The following TMEM229B variants were observed in gnomAD, a reference collection of about 807,000 sequenced individuals.
TMEM229B encodes transmembrane protein 229B, also known as chromosome 14 open reading frame 83.
A neutral mutation model predicts 13.7 loss-of-function variants in TMEM229B; 6 were observed. The observed-to-expected ratio is 0.44, with a 90% confidence interval of 0.24 to 0.86. TMEM229B has a LOEUF of 0.86. TMEM229B is among the 40% of genes least tolerant of loss of function. The probability of loss-of-function intolerance (pLI) is 0.23; values close to 1 mark genes in which losing one functional copy is unlikely to be tolerated. For missense variants in TMEM229B, 170 were observed against 236.0 expected (o/e 0.72, Z 1.83); for synonymous variants, 107 against 102.1 (o/e 1.05, Z -0.29).
At position 67,482,097 on chromosome 14, in the gene TMEM229B, C is replaced by A. The variant is rs571659400; in HGVS notation, c.-19+4903G>T. On this transcript the variant is annotated intron_variant, in intron 2 of 2. Coordinates refer to ENST00000554480, the MANE Select transcript of TMEM229B (RefSeq NM_001348543.2). ...AGGGCCTGGGCAAACAGAGTCCCAT[C>A]GAAGGGCCAGGACTCAAGGTGACTT... is the stretch of plus-strand genomic sequence containing the variant. 3.3e-5 allele frequency among the ~76,000 whole-genome samples: 5 copies of A among 152,288 alleles called. No individual in the cohort carries two copies. In the South Asian group the frequency reaches 1.0e-3, roughly 32 times the overall value.
rs1267766209 is a variant in TMEM229B at position 67,473,074 on chromosome 14, C to T, written c.*346G>A. 1.1e-5 allele frequency: 3 copies of T among 276,072 alleles called. No individual in the cohort carries two copies. Among genetic ancestry groups the T allele is most frequent in the South Asian group, 1.1e-4 (2 of 18,150 alleles). 17.1% of individuals were successfully genotyped at this position (276,072 alleles called of 1,614,324 possible). On this transcript the variant is annotated 3_prime_UTR_variant, in exon 3 of 3. Transcript: ENST00000554480. The surrounding 1 kb of genome is among the most constrained non-coding windows in gnomAD (Gnocchi z 6.5). ...CAGGCCTTGCCTCCCACCTGCGGCC[C>T]CATTCTCATTGTCCCTTGGCCAGGA... is the stretch of plus-strand genomic sequence containing the variant.
In TMEM229B at chr14:67,495,936, C is replaced by T. The variant is rs116638582; in HGVS notation, c.-191-8764G>A. Among the ~76,000 whole-genome samples, 1,319 of 152,378 alleles carry T rather than the reference C, an allele frequency of 8.7e-3. 16 individuals are homozygous for T. Among genetic ancestry groups the T allele is most frequent in the African/African-American group, 0.029 (1,188 of 41,586 alleles). On this transcript the variant is annotated intron_variant, in intron 1 of 2. Coordinates refer to the TMEM229B transcript ENST00000357461. ...CCCCATTTCAACACCTCAGCACCATCACAGCCACCTAATTCCAAAGCAAAG... is the reference window on the plus strand; with the variant it reads ...CCCCATTTCAACACCTCAGCACCATTACAGCCACCTAATTCCAAAGCAAAG...
At chr14:67,489,855 T>C (rs1024235822), upstream of TMEM229B, among the ~76,000 whole-genome samples, 6 of 152,256 alleles carry the variant, frequency 3.9e-5, no homozygotes, top group East Asian at 1.2e-3. Flanking sequence ...CCAGGTGTGA[T>C]GGTGGGCACC....
At chr14:67,489,052 GACTGCAGGACCTGAACC>G (rs1175401888), upstream of TMEM229B, among the ~76,000 whole-genome samples, 1 of 152,186 alleles carries the variant, frequency 6.6e-6, no homozygotes, top group African/African-American at 2.4e-5. Context: ...CTCCTTTGAG[GACTGCAGGACCTGAACC>G]AGAGTTTCTT....
intron 1 of TMEM229B, among the ~76,000 whole-genome samples, chr14:67,493,911 T>A (rs1315979387): frequency 6.6e-6 from 1 of 152,106 alleles, no homozygotes; most frequent in Non-Finnish European, 1.5e-5. Flanking sequence ...AATTTTTTTT[T>A]AATTGAAGGA....
chr14:67,497,102 C>G (rs2032420890), intron 1 of TMEM229B, among the ~76,000 whole-genome samples: 2 of 152,010 alleles, frequency 1.3e-5, no homozygotes, highest in South Asian at 4.2e-4. Flanking sequence ...TTCTCTCTCT[C>G]TCTTTCAAGA....
intron 1 of TMEM229B, among the ~76,000 whole-genome samples, chr14:67,528,597 A>G (rs2033401648): frequency 6.6e-6 from 1 of 152,188 alleles, no homozygotes; most frequent in South Asian, 2.1e-4. Flanking sequence ...GGCTGGATTT[A>G]CCTGATCCTC....
At chr14:67,520,289 A>T (rs982593419), upstream of TMEM229B, among the ~76,000 whole-genome samples, 2 of 152,196 alleles carry the variant, frequency 1.3e-5, no homozygotes, top group Non-Finnish European at 2.9e-5. Flanking sequence ...ATTTAGTATC[A>T]TATGGAATAT....
intron 1 of TMEM229B, among the ~76,000 whole-genome samples, chr14:67,504,447 C>A (rs946490160): frequency 2.0e-5 from 3 of 152,122 alleles, no homozygotes; most frequent in African/African-American, 7.2e-5. Flanking sequence ...TGTCACTAAC[C>A]TTTTCATTTA....
At chr14:67,478,923 A>T (rs536440961) in intron 2 of TMEM229B, among the ~76,000 whole-genome samples, 2 of 152,314 alleles carry the variant, frequency 1.3e-5, no homozygotes, top group Admixed American at 6.5e-5. Context: ...AAAAAGCAGG[A>T]TTCAAAACTG....
In TMEM229B at chr14:67,523,358, A is replaced by G. The variant is rs1020492945; in HGVS notation, c.-192+10278T>C. Reference sequence around the variant, plus strand: ...AAAAGAAAAGAAAAAAGAGGAGTCCAGTCCTCAAAACAGTACAGTGCTAGG... The same window carrying G: ...AAAAGAAAAGAAAAAAGAGGAGTCCGGTCCTCAAAACAGTACAGTGCTAGG... On this transcript the variant is annotated intron_variant, in intron 1 of 2. Transcript: ENST00000554278. 2.6e-5 allele frequency among the ~76,000 whole-genome samples: 4 copies of G among 152,090 alleles called. 1 individual carries two copies. The highest frequency in any genetic ancestry group is 2.1e-4 in the South Asian group (1 of 4,810).
intron 1 of TMEM229B, among the ~76,000 whole-genome samples, chr14:67,507,534 G>A (rs771727098): frequency 3.1e-4 from 47 of 151,792 alleles, no homozygotes; most frequent in Non-Finnish European, 5.0e-4. Context: ...TTGCAGCCTC[G>A]ACCTCCCAGG....
At chr14:67,527,654 G>A (rs1434098366) in intron 1 of TMEM229B, among the ~76,000 whole-genome samples, 2 of 152,192 alleles carry the variant, frequency 1.3e-5, no homozygotes, top group Non-Finnish European at 2.9e-5. Context: ...AACCAACAAT[G>A]TGTTTTGTAC....
intron 1 of TMEM229B, among the ~76,000 whole-genome samples, chr14:67,508,052 T>C (rs1331870624): frequency 6.6e-6 from 1 of 151,404 alleles, no homozygotes. Flanking sequence ...GCAGGAGAAT[T>C]GCTTGAACCC....
intron 1 of TMEM229B, among the ~76,000 whole-genome samples, chr14:67,527,099 T>C (rs1228838392): frequency 2.6e-5 from 4 of 152,288 alleles, no homozygotes; most frequent in East Asian, 1.9e-4. Context: ...GGCTCACTCA[T>C]TGCAACCTTT....
upstream of TMEM229B, among the ~76,000 whole-genome samples, chr14:67,517,935 C>A (rs28690091): frequency 0.012 from 1,811 of 152,296 alleles, 40 homozygotes; most frequent in African/African-American, 0.042. Flanking sequence ...CAGGGGTGCA[C>A]AGGGTAGAGC....
At chr14:67,479,985 G>A (rs982509822) in intron 2 of TMEM229B, among the ~76,000 whole-genome samples, 1 of 152,180 alleles carries the variant, frequency 6.6e-6, no homozygotes, top group Non-Finnish European at 1.5e-5. Context: ...CCACCTGTGA[G>A]ACCTAATGGA....
chr14:67,507,145 G>A (rs1444704973), intron 1 of TMEM229B, among the ~76,000 whole-genome samples: 1 of 152,150 alleles, frequency 6.6e-6, no homozygotes, highest in African/African-American at 2.4e-5. Context: ...GGGCAACAGA[G>A]GGGGTTATAC....
chr14:67,508,015 C>G (rs1344079757), intron 1 of TMEM229B, among the ~76,000 whole-genome samples: 1 of 151,738 alleles, frequency 6.6e-6, no homozygotes, highest in East Asian at 1.9e-4. Flanking sequence ...GCGCATGCCT[C>G]TAATCCCAGC....
Sources: gnomAD v4.1 joint callset for allele counts (sites outside exome capture counted in the v4.1 genomes callset) on GRCh38, gnomAD v4.1.1 for gene constraint, Gnocchi (gnomAD v3.1) non-coding constraint, MANE v1.5 for transcripts, NCBI Gene and HGNC (gene_info 2026-07-23, HGNC 2026-07-21) for gene names.